The following NVL variants were observed in gnomAD, a reference collection of about 807,000 sequenced individuals.
The protein encoded by NVL is nuclear valosin-containing protein-like.
Under a neutral mutation model 110.2 loss-of-function variants are expected in NVL, and 84 were observed. That is an observed-to-expected ratio of 0.76 (90% CI 0.64 to 0.91). The LOEUF is 0.91. Among genes scored for constraint, NVL ranks in the 40% least tolerant of loss-of-function variants. NVL has a pLI of 0.00. For missense variants in NVL, 882 were observed against 1,035.9 expected (o/e 0.85, Z 2.04); for synonymous variants, 354 against 361.1 (o/e 0.98, Z 0.22).
rs978896891 is a variant in NVL at position 224,236,702 on chromosome 1, G to A, written c.2290-120C>T. The A allele has an allele frequency of 2.4e-5, 17 of 717,016 alleles. 1 individual carries two copies. Among genetic ancestry groups the A allele is most frequent in the Non-Finnish European group, 3.7e-5 (15 of 400,674 alleles). The allele number at this position is 717,016 out of a possible 1,614,324, so 44.4% of individuals were successfully genotyped here. On this transcript the variant is annotated intron_variant, in intron 19 of 22. Transcript: ENST00000281701. ...AAGGTGGGCAGATCACCTGAGGTCA[G>A]GAGTTCGAGACCAACCTGTGGAACA...
At chr1:224,268,269 G>T in intron 17 of NVL, 136 bp from the exon 18 acceptor site, 1 of 630,964 alleles carries the variant, frequency 1.6e-6, no homozygotes, top group Non-Finnish European at 2.8e-6. Flanking sequence ...ACTATATGCA[G>T]ACACTGTGCA....
At chr1:224,276,432 T>A (rs1047948422) in intron 16 of NVL, among the ~76,000 whole-genome samples, 1 of 152,000 alleles carries the variant, frequency 6.6e-6, no homozygotes, top group Non-Finnish European at 1.5e-5. Context: ...AGAGATGGGG[T>A]TTCACCATGT....
At chr1:224,281,709 T>C (rs1036411858) in intron 15 of NVL, among the ~76,000 whole-genome samples, 2 of 151,172 alleles carry the variant, frequency 1.3e-5, no homozygotes, top group East Asian at 2.0e-4. Flanking sequence ...TCCTAGCACT[T>C]TGGGAGGCCG....
chr1:224,308,228 TAA>T lies in NVL; in HGVS notation c.376_377del (p.Leu126IlefsTer7), dbSNP rs556567539. 5 of 1,612,398 alleles carry T rather than the reference TAA, an allele frequency of 3.1e-6. No homozygotes were observed. Among genetic ancestry groups the T allele is most frequent in the South Asian group, 1.1e-5 (1 of 90,570 alleles). ...CAGAATCAGGATTTCCTTTCCGATA[TAA>T]AGACAGCAGGGAACTGTTCATGTGA... The part of the protein sequence containing the change: ...ANHMNSSLLS[L>X]YRKGNPDSVS... On this transcript the variant is annotated frameshift_variant, in exon 6 of 23. Coordinates refer to ENST00000281701, the MANE Select transcript of NVL (RefSeq NM_002533.4). LOFTEE classifies it high-confidence loss of function.
intron 9 of NVL, chr1:224,301,684 C>T: frequency 2.8e-6 from 1 of 360,098 alleles, no homozygotes; most frequent in South Asian, 2.0e-5. Flanking sequence ...CCTGCAGTCC[C>T]AGTTACCTGT....
intron 2 of NVL, among the ~76,000 whole-genome samples, chr1:224,326,101 T>C (rs557465439): frequency 3.3e-4 from 50 of 152,338 alleles, no homozygotes; most frequent in Non-Finnish European, 4.7e-4. Flanking sequence ...GTTTTAATTT[T>C]CTAATGTAGC....
At chr1:224,288,629 C>A (rs1667089526) in intron 13 of NVL, among the ~76,000 whole-genome samples, 1 of 151,982 alleles carries the variant, frequency 6.6e-6, no homozygotes, top group Non-Finnish European at 1.5e-5. Context: ...AAGAAAAAAA[C>A]AAATTATCTG....
At chr1:224,299,972 G>C (rs888443741) in intron 10 of NVL, among the ~76,000 whole-genome samples, 2 of 151,838 alleles carry the variant, frequency 1.3e-5, no homozygotes, top group African/African-American at 4.8e-5. Context: ...CCATTTTTTA[G>C]TTTTAAACAC....
intron 2 of NVL, 106 bp downstream of exon 2, chr1:224,326,285 A>C (rs182220958): frequency 2.8e-6 from 2 of 713,174 alleles, no homozygotes; most frequent in Non-Finnish European, 4.8e-6. Flanking sequence ...TGGTGAACTA[A>C]TGCCAGCAGC....
chr1:224,285,749 A>C, intron 15 of NVL, among the ~76,000 whole-genome samples: 1 of 152,332 alleles, frequency 6.6e-6, no homozygotes, highest in Middle Eastern at 3.4e-3. Context: ...CTATGGAATA[A>C]TACTCACTAA....
At chr1:224,324,008 T>G (rs1670908237) in intron 2 of NVL, among the ~76,000 whole-genome samples, 1 of 152,162 alleles carries the variant, frequency 6.6e-6, no homozygotes, top group Non-Finnish European at 1.5e-5. Context: ...TTCTGAGAAG[T>G]GTATCATTAA....
At chr1:224,306,752 A>T (rs2102712564) in intron 6 of NVL, among the ~76,000 whole-genome samples, 1 of 152,194 alleles carries the variant, frequency 6.6e-6, no homozygotes, top group South Asian at 2.1e-4. Context: ...GGGATGGCTT[A>T]TGCCCAGGGG....
At chr1:224,326,324 G>T in intron 2 of NVL, 67 bp downstream of exon 2, 1 of 1,151,004 alleles carries the variant, frequency 8.7e-7, no homozygotes, top group Non-Finnish European at 1.3e-6. Context: ...ATTTAGGCAG[G>T]ATATAAACTT....
chr1:224,284,658 G>A (rs1314909671), intron 15 of NVL, among the ~76,000 whole-genome samples: 1 of 152,094 alleles, frequency 6.6e-6, no homozygotes, highest in Non-Finnish European at 1.5e-5. Flanking sequence ...GGGGTTACAG[G>A]CATGAGCTAC....
chr1:224,311,418 G>A (rs1300507426), intron 5 of NVL, among the ~76,000 whole-genome samples: 3 of 151,848 alleles, frequency 2.0e-5, no homozygotes, highest in Middle Eastern at 3.4e-3. Context: ...GAGTGCAGTG[G>A]TGCAATCACG....
intron 18 of NVL, chr1:224,257,047 T>A (rs1416626021): frequency 3.8e-6 from 2 of 531,296 alleles, no homozygotes; most frequent in South Asian, 2.8e-5. Context: ...TTTTTTTTCC[T>A]TTTGCCCTCT....
intron 5 of NVL, 79 bp from the exon 6 acceptor site, chr1:224,308,342 A>C: frequency 7.7e-7 from 1 of 1,292,764 alleles, no homozygotes; most frequent in South Asian, 1.6e-5. Flanking sequence ...TATAGTAATA[A>C]GTTTTCTATA....
intron 12 of NVL, among the ~76,000 whole-genome samples, chr1:224,292,580 C>T (rs1040174157): frequency 6.6e-6 from 1 of 152,154 alleles, no homozygotes; most frequent in Non-Finnish European, 1.5e-5. Flanking sequence ...CTTACTTACA[C>T]TTACTCATAC....
intron 20 of NVL, among the ~76,000 whole-genome samples, 189 bp from the exon 21 acceptor site, chr1:224,233,478 G>A (rs896367285): frequency 6.6e-6 from 1 of 152,190 alleles, no homozygotes; most frequent in African/African-American, 2.4e-5. Context: ...GATATTTCTA[G>A]GCCAGGTGCA....
Sources: allele counts gnomAD v4.1 joint callset (sites outside exome capture counted in the v4.1 genomes callset), GRCh38; gene constraint gnomAD v4.1.1; transcripts MANE v1.5; gene names NCBI Gene and HGNC (gene_info 2026-07-23, HGNC 2026-07-21).